The following VAT1L variants were observed in gnomAD, a reference collection of about 807,000 sequenced individuals.
VAT1L encodes vesicle amine transport 1 like.
Under a neutral mutation model 44.1 loss-of-function variants are expected in VAT1L, and 34 were observed. The ratio of observed to expected loss-of-function variants is 0.77; its 90% CI spans 0.59 to 1.03. The LOEUF (loss-of-function observed/expected upper bound fraction) is 1.03, where lower values mean the gene tolerates loss of function less well. VAT1L is among the 50% of genes least tolerant of loss of function. The probability of loss-of-function intolerance (pLI) is 0.00; values close to 1 mark genes in which losing one functional copy is unlikely to be tolerated. For synonymous variants in VAT1L, 253 were observed against 202.2 expected, an observed-to-expected ratio of 1.25 and a Z score of -2.13; for missense variants, 615 against 538.8, an observed-to-expected ratio of 1.14 and a Z score of -1.40.
intron 7 of VAT1L, among the ~76,000 whole-genome samples, chr16:77,950,409 A>ACACACACAC (rs2018027878): frequency 7.6e-6 from 1 of 131,432 alleles, no homozygotes; most frequent in Non-Finnish European, 1.6e-5. Flanking sequence ...ATTCCATCTA[A>ACACACACAC]ACACACACAC....
At chr16:77,864,967 CTTTTTT>C (rs869037679) in intron 4 of VAT1L, among the ~76,000 whole-genome samples, 1 of 95,380 alleles carries the variant, frequency 1.0e-5, no homozygotes, top group African/African-American at 4.5e-5. Flanking sequence ...TCTTCTTATC[CTTTTTT>C]TTTTTTTTTT....
At chr16:77,790,255 C>T (rs1418194859) in intron 1 of VAT1L, among the ~76,000 whole-genome samples, 2 of 152,166 alleles carry the variant, frequency 1.3e-5, no homozygotes, top group African/African-American at 4.8e-5. Context: ...GAACACGACT[C>T]GTGAGTCTCT....
intron 2 of VAT1L, among the ~76,000 whole-genome samples, chr16:77,823,114 C>G (rs575910015): frequency 1.3e-5 from 2 of 151,970 alleles, no homozygotes; most frequent in Non-Finnish European, 2.9e-5. Context: ...GAGGCTGAAG[C>G]AGCTCTATTC....
chr16:77,970,003 C>A (rs1168159035), intron 7 of VAT1L, among the ~76,000 whole-genome samples: 1 of 137,120 alleles, frequency 7.3e-6, no homozygotes, highest in South Asian at 2.3e-4. Flanking sequence ...CACTTGAGGC[C>A]AACAGTTCAT....
chr16:77,960,514 C>T (rs1288145829), intron 7 of VAT1L, among the ~76,000 whole-genome samples: 2 of 152,098 alleles, frequency 1.3e-5, no homozygotes, highest in African/African-American at 2.4e-5. Context: ...CTTGCAGGAG[C>T]TGTAGTTGTG....
At chr16:77,895,925 G>C (rs1423092356) in intron 7 of VAT1L, among the ~76,000 whole-genome samples, 10 of 152,164 alleles carry the variant, frequency 6.6e-5, no homozygotes, top group East Asian at 5.8e-4. Flanking sequence ...TGGAGGAAGA[G>C]AGCTGGGCAG....
chr16:77,892,040 C>A (rs148357767), intron 7 of VAT1L, among the ~76,000 whole-genome samples: 156 of 152,222 alleles, frequency 1.0e-3, no homozygotes, highest in Non-Finnish European at 1.8e-3. Context: ...CCACTGCACT[C>A]CAGCCTGGGT....
At chr16:77,902,315 T>C (rs2017391401) in intron 7 of VAT1L, among the ~76,000 whole-genome samples, 1 of 152,216 alleles carries the variant, frequency 6.6e-6, no homozygotes, top group South Asian at 2.1e-4. Context: ...GGGACAATAG[T>C]CAATGGGGTT....
intron 4 of VAT1L, 31 bp downstream of exon 4, chr16:77,862,921 G>A (rs769639549): frequency 3.1e-6 from 5 of 1,610,466 alleles, no homozygotes; most frequent in Non-Finnish European, 4.2e-6. Flanking sequence ...AAAGCACCAG[G>A]CTGGCCCTTG....
chr16:77,944,519 A>C (rs879870983), intron 7 of VAT1L, among the ~76,000 whole-genome samples: 1 of 152,208 alleles, frequency 6.6e-6, no homozygotes, highest in Admixed American at 6.5e-5. Context: ...GACCATGAGC[A>C]TAGTAAGTGC....
At chr16:77,870,492 A>T (rs986608124) in intron 4 of VAT1L, among the ~76,000 whole-genome samples, 5 of 151,100 alleles carry the variant, frequency 3.3e-5, no homozygotes, top group Non-Finnish European at 7.4e-5. Flanking sequence ...CTGCCACTCA[A>T]GAGAAATTCT....
At chr16:77,816,888 G>A in intron 1 of VAT1L, 33 bp from the exon 2 acceptor site, 1 of 1,560,864 alleles carries the variant, frequency 6.4e-7, no homozygotes, top group Non-Finnish European at 8.7e-7. Context: ...ATCTCATTTT[G>A]AATTTCTCTC....
At chr16:77,946,456 G>T (rs1198074233) in intron 7 of VAT1L, among the ~76,000 whole-genome samples, 1 of 151,220 alleles carries the variant, frequency 6.6e-6, no homozygotes, top group Admixed American at 6.6e-5. Context: ...GCTAATTTTT[G>T]TATTTTAAGT....
intron 3 of VAT1L, among the ~76,000 whole-genome samples, chr16:77,827,590 A>T (rs2016536653): frequency 6.6e-6 from 1 of 152,266 alleles, no homozygotes; most frequent in Non-Finnish European, 1.5e-5. Context: ...AAGTCAATGC[A>T]CATAGCACAG....
chr16:77,942,267 C>G (rs1019150971), intron 7 of VAT1L, among the ~76,000 whole-genome samples: 12 of 152,276 alleles, frequency 7.9e-5, no homozygotes, highest in Middle Eastern at 3.4e-3. Flanking sequence ...ATAAAACCAT[C>G]AGATCTCATG....
chr16:77,844,448 A>G (rs1041228615), intron 3 of VAT1L, among the ~76,000 whole-genome samples: 1 of 151,970 alleles, frequency 6.6e-6, no homozygotes, highest in African/African-American at 2.4e-5. Context: ...TTGCTCTGTC[A>G]CCCAGACTGG....
At chr16:77,855,384 G>T (rs1257884368) in intron 3 of VAT1L, among the ~76,000 whole-genome samples, 1 of 150,422 alleles carries the variant, frequency 6.6e-6, no homozygotes, top group Admixed American at 6.6e-5. Context: ...AGAGACATGA[G>T]CTTACCCCTA....
At chr16:77,934,926 A>G (rs1382310827) in intron 7 of VAT1L, among the ~76,000 whole-genome samples, 1 of 152,194 alleles carries the variant, frequency 6.6e-6, no homozygotes, top group African/African-American at 2.4e-5. Context: ...ACAATTTCAC[A>G]GCAGCTTAAT....
At chr16:77,856,982 C>T (rs995558042) in intron 3 of VAT1L, among the ~76,000 whole-genome samples, 3 of 152,160 alleles carry the variant, frequency 2.0e-5, no homozygotes, top group Non-Finnish European at 2.9e-5. Flanking sequence ...AATACTTACA[C>T]TAAAGGTGGT....
Sources: gnomAD v4.1 joint callset for allele counts (sites outside exome capture counted in the v4.1 genomes callset) on GRCh38, gnomAD v4.1.1 for gene constraint, MANE v1.5 for transcripts, NCBI Gene and HGNC (gene_info 2026-07-23, HGNC 2026-07-21) for gene names.